OXR1: variants seen among roughly 807,000 people sequenced by gnomAD.
The protein encoded by OXR1 is oxidation resistance 1.
In OXR1, 41 loss-of-function variants were observed where a neutral mutation model predicts 104.6. The ratio of observed to expected loss-of-function variants is 0.39; its 90% confidence interval spans 0.31 to 0.51. The LOEUF is 0.51. Ranked by LOEUF, OXR1 falls within the 20% of genes least tolerant of loss-of-function variation. The pLI is 0.77. For synonymous variants in OXR1, 348 were observed against 348.4 expected (o/e 1.00, Z 0.01); for missense variants, 955 against 1,031.9 (o/e 0.93, Z 1.02).
intron 3 of OXR1, among the ~76,000 whole-genome samples, chr8:106,576,733 T>C (rs895304062): frequency 1.3e-5 from 2 of 152,142 alleles, no homozygotes; most frequent in Admixed American, 1.3e-4. Context: ...ATAGTGACTA[T>C]GATGGCATTA....
At chr8:106,676,276 G>A (rs376233122) in intron 3 of OXR1, among the ~76,000 whole-genome samples, 6 of 152,092 alleles carry the variant, frequency 3.9e-5, no homozygotes, top group African/African-American at 9.6e-5. Context: ...TTGCCACTCC[G>A]TCTTTTCATT....
intron 2 of OXR1, among the ~76,000 whole-genome samples, chr8:106,429,628 C>T (rs28657963): frequency 0.23 from 33,641 of 149,308 alleles, 5,278 homozygotes; most frequent in African/African-American, 0.43. Context: ...CCACTGCACT[C>T]CAGCCTGGGC....
At chr8:106,453,984 A>G (rs1293553348) in intron 2 of OXR1, among the ~76,000 whole-genome samples, 2 of 152,198 alleles carry the variant, frequency 1.3e-5, no homozygotes, top group Non-Finnish European at 2.9e-5. Flanking sequence ...TTTTATTCTT[A>G]TTGAAAAACC....
chr8:106,606,704 A>G (rs1388992406), intron 3 of OXR1, among the ~76,000 whole-genome samples: 1 of 152,042 alleles, frequency 6.6e-6, no homozygotes, highest in Non-Finnish European at 1.5e-5. Context: ...ATAATTCAGT[A>G]TAATTTCCCA....
intron 6 of OXR1, among the ~76,000 whole-genome samples, chr8:106,686,287 TA>T (rs34055157): frequency 0.37 from 53,707 of 144,542 alleles, 10,442 homozygotes; most frequent in Admixed American, 0.47. Context: ...GGAAAATAAT[TA>T]AAAAAAAAAA....
chr8:106,540,529 T>A (rs1814870785), intron 3 of OXR1, among the ~76,000 whole-genome samples: 1 of 152,214 alleles, frequency 6.6e-6, no homozygotes. Flanking sequence ...TTGATACACT[T>A]CTGTTTTCTT....
chr8:106,421,222 C>T (rs1194489884), intron 2 of OXR1, among the ~76,000 whole-genome samples: 1 of 152,050 alleles, frequency 6.6e-6, no homozygotes, highest in Non-Finnish European at 1.5e-5. Flanking sequence ...CTATAGAACA[C>T]TAGTAAAGAA....
chr8:106,659,103 CA>C, intron 3 of OXR1, among the ~76,000 whole-genome samples: 1 of 152,136 alleles, frequency 6.6e-6, no homozygotes, highest in East Asian at 1.9e-4. Context: ...CACATCGTGC[CA>C]GTCATTTTAT....
At chr8:106,272,859 G>A (rs1272833359) in intron 1 of OXR1, 2 of 152,060 alleles carry the variant, frequency 1.3e-5, no homozygotes, top group Admixed American at 1.3e-4. Context: ...TAGCCATTCT[G>A]TTCTGCACAG....
At chr8:106,537,290 A>C (rs1014648240) in intron 3 of OXR1, among the ~76,000 whole-genome samples, 2 of 152,200 alleles carry the variant, frequency 1.3e-5, no homozygotes, top group Admixed American at 1.3e-4. Context: ...AAAGCTAGTA[A>C]GACAAGGCCC....
chr8:106,279,625 A>G (rs1812196974), intron 1 of OXR1, among the ~76,000 whole-genome samples: 1 of 152,216 alleles, frequency 6.6e-6, no homozygotes, highest in Non-Finnish European at 1.5e-5. Context: ...AGATAACTAC[A>G]TAGAAAAGCT....
chr8:106,398,981 C>G (rs895561328), intron 2 of OXR1, among the ~76,000 whole-genome samples: 1 of 152,122 alleles, frequency 6.6e-6, no homozygotes, highest in Non-Finnish European at 1.5e-5. Context: ...CCCTCCCCAA[C>G]AAAGTCATCT....
chr8:106,593,711 T>G (rs1284095108), intron 3 of OXR1, among the ~76,000 whole-genome samples: 1 of 152,140 alleles, frequency 6.6e-6, no homozygotes, highest in South Asian at 2.1e-4. Flanking sequence ...AGGAGGCAGA[T>G]CTTGCAGTGT....
chr8:106,710,335 G>C (rs776952), intron 9 of OXR1, among the ~76,000 whole-genome samples: 20,025 of 151,674 alleles, frequency 0.13, 1,594 homozygotes, highest in Non-Finnish European at 0.18. Flanking sequence ...CTTTAGTATG[G>C]GTGTTGAAAA....
intron 1 of OXR1, among the ~76,000 whole-genome samples, chr8:106,339,178 T>C (rs1169338751): frequency 6.6e-6 from 1 of 151,962 alleles, no homozygotes; most frequent in East Asian, 1.9e-4. Context: ...TAATTGCATG[T>C]ATTCAGCTAT....
intron 3 of OXR1, among the ~76,000 whole-genome samples, chr8:106,595,315 G>A (rs1819432390): frequency 6.6e-6 from 1 of 152,238 alleles, no homozygotes; most frequent in African/African-American, 2.4e-5. Context: ...ATTTTGGGAG[G>A]CCAAGGAGGG....
intron 6 of OXR1, among the ~76,000 whole-genome samples, chr8:106,690,271 A>G (rs13254031): frequency 0.12 from 18,599 of 150,888 alleles, 1,445 homozygotes; most frequent in East Asian, 0.34. Context: ...AAATGTGTAA[A>G]TAACACATAA....
At chr8:106,490,754 C>T (rs1203056075) in intron 2 of OXR1, among the ~76,000 whole-genome samples, 1 of 151,966 alleles carries the variant, frequency 6.6e-6, no homozygotes, top group African/African-American at 2.4e-5. Flanking sequence ...TGGGCAAGCA[C>T]CCCGGGGAAA....
chr8:106,387,452 T>G (rs1179099165), intron 2 of OXR1, among the ~76,000 whole-genome samples: 1 of 152,214 alleles, frequency 6.6e-6, no homozygotes, highest in Non-Finnish European at 1.5e-5. Flanking sequence ...TGCTACGTTC[T>G]CATGGGTCTG....
Sources: allele counts gnomAD v4.1 joint callset (sites outside exome capture counted in the v4.1 genomes callset), GRCh38; gene constraint gnomAD v4.1.1; transcripts MANE v1.5; gene names NCBI Gene and HGNC (gene_info 2026-07-23, HGNC 2026-07-21).